The following BBX variants were observed in gnomAD, a reference collection of about 807,000 sequenced individuals.
BBX encodes the protein HMG box transcription factor BBX.
In BBX, 30 loss-of-function variants were observed where a neutral mutation model predicts 100.2. The ratio of observed to expected loss-of-function variants is 0.30; its 90% CI spans 0.22 to 0.41. The LOEUF (loss-of-function observed/expected upper bound fraction) is 0.41. Ranked by LOEUF, BBX falls within the 10% of genes least tolerant of loss-of-function variation. The probability of loss-of-function intolerance (pLI) is 1.00; values close to 1 mark genes in which losing one functional copy is unlikely to be tolerated. For synonymous variants in BBX, 376 were observed against 388.1 expected, an observed-to-expected ratio of 0.97 and a Z score of 0.37; for missense variants, 1,023 against 1,129.8, an observed-to-expected ratio of 0.91 and a Z score of 1.35.
chr3:107,691,804 T>C (rs2060186535), intron 3 of BBX, among the ~76,000 whole-genome samples: 1 of 152,212 alleles, frequency 6.6e-6, no homozygotes, highest in Non-Finnish European at 1.5e-5. Flanking sequence ...ATTTAGTAAA[T>C]GGTGAGTCTA....
chr3:107,596,819 A>C (rs956091197), intron 2 of BBX, among the ~76,000 whole-genome samples: 9 of 152,226 alleles, frequency 5.9e-5, no homozygotes, highest in African/African-American at 2.2e-4. Flanking sequence ...GTATAACCAC[A>C]AATATCTGGA....
intron 9 of BBX, among the ~76,000 whole-genome samples, chr3:107,752,085 G>A (rs779638913): frequency 2.0e-5 from 3 of 152,206 alleles, no homozygotes; most frequent in Admixed American, 6.5e-5. Flanking sequence ...TACACCTAGA[G>A]TATATCTTTG....
rs1024446899 is a variant in BBX at position 107,747,912 on chromosome 3, A to G, written c.751-53A>G. 7 of 1,459,590 alleles carry G rather than the reference A, an allele frequency of 4.8e-6. No homozygotes were observed. The African/African-American group carries it at 9.8e-5, about 20-fold the overall frequency. 90.4% of individuals were successfully genotyped at this position (1,459,590 alleles called of 1,614,324 possible). A position where few individuals can be genotyped will look rare whatever the true frequency, so the allele number is the denominator to read the frequency against. ...TGAAAATATATGGCAGAATCTTATG[A>G]TCTGATGTGGAAAAATGTCATTGTA... On this transcript the variant is annotated intron_variant, in intron 8 of 17. Transcript: ENST00000325805.
intron 2 of BBX, among the ~76,000 whole-genome samples, chr3:107,620,525 C>T (rs2107687054): frequency 6.6e-6 from 1 of 152,284 alleles, no homozygotes; most frequent in Admixed American, 6.5e-5. Context: ...TTTAGTGGTG[C>T]CTTCTGAGAC....
chr3:107,706,467 G>GT (rs901234570), intron 3 of BBX, among the ~76,000 whole-genome samples: 12 of 150,534 alleles, frequency 8.0e-5, no homozygotes, highest in East Asian at 2.0e-4. Flanking sequence ...ACATGGGTTG[G>GT]TTTTTTTTTC....
In BBX at chr3:107,563,966, A is replaced by T. The variant is rs78270266; in HGVS notation, c.-84+37568A>T. Among the ~76,000 whole-genome samples, 214 of 152,256 alleles carry T rather than the reference A, an allele frequency of 1.4e-3. 3 individuals carry two copies. The East Asian group carries it at 0.022, about 16-fold the overall frequency. ...GTCACTTAGGTGTGTATTCTTCAAA[A>T]TCCTTTCAGTGCATTTGCGTACTTA... On this transcript the variant is annotated intron_variant, in intron 2 of 17. Coordinates refer to ENST00000325805, the MANE Select transcript of BBX (RefSeq NM_001142568.3).
chr3:107,638,375 A>G (rs1028300087), intron 2 of BBX: 1 of 152,210 alleles, frequency 6.6e-6, no homozygotes, highest in African/African-American at 2.4e-5. Flanking sequence ...ATTTAAAACA[A>G]CTAATTGCTA....
At chr3:107,674,185 A>T (rs1327193576) in intron 3 of BBX, among the ~76,000 whole-genome samples, 1 of 152,166 alleles carries the variant, frequency 6.6e-6, no homozygotes, top group Non-Finnish European at 1.5e-5. Flanking sequence ...AGGCATTCAC[A>T]TGTAAATATC....
intron 3 of BBX, among the ~76,000 whole-genome samples, chr3:107,706,071 G>T (rs1182850394): frequency 7.1e-6 from 1 of 141,820 alleles, no homozygotes; most frequent in African/African-American, 2.6e-5. Context: ...TAGCCAGACT[G>T]GAGTGCAGTG....
intron 3 of BBX, among the ~76,000 whole-genome samples, chr3:107,669,813 A>G (rs1447604576): frequency 6.6e-6 from 1 of 152,300 alleles, no homozygotes; most frequent in African/African-American, 2.4e-5. Context: ...GCCCTAGTCT[A>G]CTTTTACAGA....
intron 9 of BBX, among the ~76,000 whole-genome samples, chr3:107,753,985 G>C (rs2065271847): frequency 6.6e-6 from 1 of 152,096 alleles, no homozygotes; most frequent in African/African-American, 2.4e-5. Context: ...TTTATTGAGA[G>C]CATAATATCT....
At position 107,706,411 on chromosome 3, in the gene BBX, A is replaced by AG. The variant is rs765175029; in HGVS notation, c.-9-4038dup. Among the ~76,000 whole-genome samples the AG allele has an allele frequency of 3.3e-5, 5 of 152,172 alleles. 1 individual carries two copies. In the South Asian group the frequency reaches 8.3e-4, roughly 25 times the overall value. ...AATTCAGTACAATGAATGTCAATTT[A>AG]GGGTCACCTGTCCTGCCATACACAG... On this transcript the variant is annotated intron_variant, in intron 3 of 17. Transcript: ENST00000325805.
intron 2 of BBX, among the ~76,000 whole-genome samples, chr3:107,633,498 G>A (rs1315564881): frequency 6.6e-6 from 1 of 152,196 alleles, no homozygotes; most frequent in Admixed American, 6.5e-5. Context: ...GCAGATCAAA[G>A]GGATAGAGCT....
At chr3:107,733,730 A>G (rs1328414151) in intron 7 of BBX, among the ~76,000 whole-genome samples, 1 of 152,144 alleles carries the variant, frequency 6.6e-6, no homozygotes, top group East Asian at 1.9e-4. Context: ...AGCCTCCCAA[A>G]GTTCTGGGAT....
chr3:107,646,845 A>G (rs2057547317), intron 3 of BBX, among the ~76,000 whole-genome samples: 1 of 152,126 alleles, frequency 6.6e-6, no homozygotes, highest in Non-Finnish European at 1.5e-5. Context: ...TTATGTGTCT[A>G]CCTTCCCCTT....
chr3:107,746,054 C>T (rs2064571006), intron 8 of BBX, among the ~76,000 whole-genome samples: 3 of 152,068 alleles, frequency 2.0e-5, no homozygotes, highest in Admixed American at 2.0e-4. Context: ...ACATCCCCCT[C>T]CCCCTTTTTT....
At chr3:107,770,748 C>A (rs994287163) in intron 10 of BBX, among the ~76,000 whole-genome samples, 14 of 152,114 alleles carry the variant, frequency 9.2e-5, no homozygotes, top group African/African-American at 3.1e-4. Flanking sequence ...GGGCTGTGTG[C>A]TCTTGTCATG....
In BBX at chr3:107,649,195, A is replaced by G. The variant is rs534731132; in HGVS notation, c.-10+3286A>G. ...GCATGGAAGCAAACCCACCCCCATG[A>G]TTCAGTTACCTCCCACCAGGTCCGT... On this transcript the variant is annotated intron_variant, in intron 3 of 17. Coordinates refer to ENST00000325805, the MANE Select transcript of BBX (RefSeq NM_001142568.3). 6.6e-5 allele frequency among the ~76,000 whole-genome samples: 10 copies of G among 152,284 alleles called. No homozygotes were observed. In the East Asian group the frequency reaches 1.9e-3, roughly 29 times the overall value.
At chr3:107,668,331 A>T (rs1229426575) in intron 3 of BBX, among the ~76,000 whole-genome samples, 2 of 152,118 alleles carry the variant, frequency 1.3e-5, no homozygotes, top group African/African-American at 2.4e-5. Flanking sequence ...TGATGACATT[A>T]TTGCCCTTAG....
Sources: allele counts gnomAD v4.1 joint callset (sites outside exome capture counted in the v4.1 genomes callset), GRCh38; gene constraint gnomAD v4.1.1; transcripts MANE v1.5; gene names NCBI Gene and HGNC (gene_info 2026-07-23, HGNC 2026-07-21).